Variants in TBX5 observed in about 807,000 individuals in gnomAD.
TBX5 encodes T-box transcription factor 5, also known as T-box transcription factor TBX5.
TBX5 carries 8 observed loss-of-function variants against 51.1 expected under a neutral mutation model. The observed-to-expected ratio is 0.16, with a 90% CI of 0.09 to 0.28. TBX5 has a LOEUF of 0.28. Among genes scored for constraint, TBX5 ranks in the 10% least tolerant of loss-of-function variants. The probability of loss-of-function intolerance (pLI) is 1.00; values close to 1 mark genes in which losing one functional copy is unlikely to be tolerated. For synonymous variants in TBX5, 302 were observed against 266.4 expected (o/e 1.13, Z -1.30); for missense variants, 589 against 671.7 (o/e 0.88, Z 1.36).
intron 8 of TBX5, 82 bp from the exon 9 acceptor site, chr12:114,356,188 A>G: frequency 7.5e-7 from 1 of 1,331,376 alleles, no homozygotes; most frequent in Non-Finnish European, 1.1e-6. Context: ...TGGCCAAAGT[A>G]CTGAAGAATA....
intron 7 of TBX5, among the ~76,000 whole-genome samples, chr12:114,379,514 G>C (rs578238466): frequency 1.3e-5 from 2 of 152,156 alleles, no homozygotes; most frequent in Non-Finnish European, 2.9e-5. Context: ...TGGAAGCCAG[G>C]TTGTCCCAGC....
intron 8 of TBX5, among the ~76,000 whole-genome samples, chr12:114,363,640 G>A (rs984111550): frequency 3.3e-5 from 5 of 152,208 alleles, no homozygotes; most frequent in Non-Finnish European, 5.9e-5. Context: ...AGGTAACCAA[G>A]ACGGTATAGA....
chr12:114,370,845 T>C (rs1329756973), intron 7 of TBX5, among the ~76,000 whole-genome samples: 1 of 152,128 alleles, frequency 6.6e-6, no homozygotes, highest in Non-Finnish European at 1.5e-5. Context: ...GGATTAGTTC[T>C]TTAGTGGTGA....
Position 114,356,040 on chromosome 12 carries a change from T to C in TBX5, c.1049A>G (p.Glu350Gly). The C allele has an allele frequency of 3.1e-6, 5 of 1,614,094 alleles. No homozygotes were observed. Among genetic ancestry groups the C allele is most frequent in the Non-Finnish European group, 4.2e-6 (5 of 1,180,032 alleles). ...KPYMETSPSE[E>G]DSFYRSSYPQ... is the part of the protein sequence containing the mutation. ...ATAGCTAGAGCGGTAGAAGGAATCTTCTTCACTGGGTGATGTCTCCATGTA... is the reference window on the plus strand; with the variant it reads ...ATAGCTAGAGCGGTAGAAGGAATCTCCTTCACTGGGTGATGTCTCCATGTA... The change falls in exon 9 of 9, where the codon GAA becomes GGA. Residue 350 changes from glutamate (E) to glycine (G), a missense_variant. Glu to Gly is a moderately conservative substitution (Grantham distance 98). Coordinates refer to ENST00000405440, the MANE Select transcript of TBX5 (RefSeq NM_181486.4).
At chr12:114,380,482 T>C (rs746067902) in intron 7 of TBX5, among the ~76,000 whole-genome samples, 20 of 152,212 alleles carry the variant, frequency 1.3e-4, no homozygotes, top group Admixed American at 3.3e-4. Flanking sequence ...TGCTTCCTTC[T>C]TTTCTTCCTT....
upstream of TBX5, chr12:114,407,828 C>T: frequency 2.0e-6 from 2 of 985,472 alleles, no homozygotes; most frequent in Non-Finnish European, 2.4e-6. Context: ...AACTATCCCA[C>T]CTCTTCTTTG....
intron 3 of TBX5, 149 bp downstream of exon 3, chr12:114,401,677 C>G: frequency 1.4e-5 from 10 of 716,718 alleles, no homozygotes; most frequent in Non-Finnish European, 2.2e-5. Context: ...CTTTCGCTCT[C>G]TCTCTCCTCT....
At position 114,366,310 on chromosome 12, in the gene TBX5, T is replaced by G. The variant is rs564499369; in HGVS notation, c.837A>C (p.Arg279=). The G allele has an allele frequency of 6.2e-7, 1 of 1,613,972 alleles. No individual in the cohort carries two copies. Among genetic ancestry groups the G allele is most frequent in the African/African-American group, 1.3e-5 (1 of 74,960 alleles). ...SNHSPFSSES[R]ALSTSSNLGS... ...CCAAATTGGATGAGGTGGAGAGAGC[T>G]CGAGACTCGCTGCTGAAAGGACTGT... is the stretch of plus-strand genomic sequence containing the variant. The change falls in exon 8 of 9, where the codon CGA becomes CGC. Residue 279 remains arginine, a synonymous_variant. Transcript: ENST00000405440.
intron 5 of TBX5, among the ~76,000 whole-genome samples, chr12:114,396,152 G>T (rs995578385): frequency 6.6e-6 from 1 of 151,986 alleles, no homozygotes; most frequent in Non-Finnish European, 1.5e-5. Flanking sequence ...AGCCGCGGCC[G>T]GGGGCGGGGG....
At chr12:114,389,209 T>C (rs1871008393) in intron 6 of TBX5, among the ~76,000 whole-genome samples, 1 of 152,018 alleles carries the variant, frequency 6.6e-6, no homozygotes, top group Non-Finnish European at 1.5e-5. Flanking sequence ...ATTACAGGCA[T>C]GAGCCACCAC....
At chr12:114,384,424 T>C (rs1398939288) in intron 7 of TBX5, among the ~76,000 whole-genome samples, 1 of 152,124 alleles carries the variant, frequency 6.6e-6, no homozygotes, top group South Asian at 2.1e-4. Flanking sequence ...TGCAGGAACA[T>C]GCCACCTGGG....
Position 114,355,816 on chromosome 12 carries a change from G to C in TBX5, c.1273C>G (p.His425Asp). The change falls in exon 9 of 9, where the codon CAC (histidine) becomes GAC (aspartate). Residue 425 changes from histidine to aspartate, a missense_variant. This residue lies in a region of TBX5 where 348 missense variants were observed against 360.4 expected (regional missense o/e 0.97). Coordinates refer to ENST00000405440, the MANE Select transcript of TBX5 (RefSeq NM_181486.4). The stretch of plus-strand genomic sequence containing the variant: ...CCCGAGGTGAAGTGAGCGGAGAAGT[G>C]CTGGTAGGGTAGCCTGTCCATGGGC... Reference protein sequence around the residue: ...VQPMDRLPYQHFSAHFTSGPL... With the variant: ...VQPMDRLPYQDFSAHFTSGPL... 6.2e-7 allele frequency: 1 copy of C among 1,614,122 alleles called. No homozygotes were observed. The highest frequency in any genetic ancestry group is 8.5e-7 in the Non-Finnish European group (1 of 1,180,042).
At chr12:114,395,937 A>G (rs1243318207) in intron 5 of TBX5, among the ~76,000 whole-genome samples, 2 of 152,274 alleles carry the variant, frequency 1.3e-5, no homozygotes, top group African/African-American at 4.8e-5. Context: ...TGATGACGCT[A>G]GTATTTACCA....
At chr12:114,373,154 A>T (rs1420524486) in intron 7 of TBX5, among the ~76,000 whole-genome samples, 1 of 152,160 alleles carries the variant, frequency 6.6e-6, no homozygotes, top group Non-Finnish European at 1.5e-5. Flanking sequence ...AGAGCTGATC[A>T]CTTTTTCTAG....
In TBX5 at chr12:114,366,329, G is replaced by A; in HGVS notation, c.818C>T (p.Pro273Leu). Residue 273 changes from proline to leucine, a missense_variant, in exon 8 of 9, where the codon CCT becomes CTT. By Grantham distance (98) the Pro-to-Leu change is moderately conservative. This residue lies in a region of TBX5 where 348 missense variants were observed against 360.4 expected (regional missense o/e 0.97). Transcript: ENST00000405440. ...GAGAGCTCGAGACTCGCTGCTGAAA[G>A]GACTGTGGTTGGAGGCCACTTTTTG... ...VRQKVASNHSPFSSESRALST... is the reference protein window; with the variant it reads ...VRQKVASNHSLFSSESRALST... 1.2e-6 allele frequency: 2 copies of A among 1,614,092 alleles called. No homozygotes were observed.
chr12:114,363,241 T>G (rs1302512076), intron 8 of TBX5, among the ~76,000 whole-genome samples: 1 of 152,150 alleles, frequency 6.6e-6, no homozygotes, highest in Non-Finnish European at 1.5e-5. Context: ...CCAAGTGTCG[T>G]CAACTGTGAG....
upstream of TBX5, among the ~76,000 whole-genome samples, chr12:114,406,395 C>T (rs1872226178): frequency 6.6e-6 from 1 of 152,096 alleles, no homozygotes. Flanking sequence ...TCATTTCAAA[C>T]GCGGTCGGCT....
In TBX5 at chr12:114,398,591, G is replaced by C. The variant is rs972633602; in HGVS notation, c.492C>G (p.His164Gln). ...TACTCACATGCCCAAATGGGTCCAG[G>C]TGGTTGTTGGTGAGCTTGAGTTTCT... Reference protein sequence around the residue: ...SFQKLKLTNNHLDPFGHIILN... With the variant: ...SFQKLKLTNNQLDPFGHIILN... The change falls in exon 5 of 9, where the codon CAC becomes CAG. Residue 164 changes from histidine (H) to glutamine (Q), a missense_variant. This residue lies in a region of TBX5 where 20 missense variants were observed against 50.9 expected (regional missense o/e 0.39). Coordinates refer to ENST00000405440, the MANE Select transcript of TBX5 (RefSeq NM_181486.4). 6.2e-7 allele frequency: 1 copy of C among 1,613,602 alleles called. No individual in the cohort carries two copies. The highest frequency in any genetic ancestry group is 8.5e-7 in the Non-Finnish European group (1 of 1,179,840).
intron 2 of TBX5, among the ~76,000 whole-genome samples, chr12:114,402,531 T>G (rs1475950245): frequency 6.6e-6 from 1 of 152,200 alleles, no homozygotes; most frequent in African/African-American, 2.4e-5. Flanking sequence ...TTATCATATA[T>G]TCTTACAGTC....
Sources: allele counts gnomAD v4.1 joint callset (sites outside exome capture counted in the v4.1 genomes callset), GRCh38; gene constraint gnomAD v4.1.1; regional missense constraint gnomAD v4.1.1; transcripts MANE v1.5; gene names NCBI Gene and HGNC (gene_info 2026-07-23, HGNC 2026-07-21).